EXOC2: variants seen among roughly 807,000 people sequenced by gnomAD.
EXOC2 encodes exocyst complex component 2.
EXOC2 carries 70 observed loss-of-function variants against 131.8 expected under a neutral mutation model. The ratio of observed to expected loss-of-function variants is 0.53; its 90% CI spans 0.44 to 0.65. The LOEUF (loss-of-function observed/expected upper bound fraction) is 0.65. Ranked by LOEUF, EXOC2 falls within the 30% of genes least tolerant of loss-of-function variation. The pLI is 0.00. For missense variants in EXOC2, 923 were observed against 1,108.6 expected, an observed-to-expected ratio of 0.83 and a Z score of 2.38; for synonymous variants, 411 against 398.4, an observed-to-expected ratio of 1.03 and a Z score of -0.38.
chr6:588,485 TG>T (rs1038214635), intron 11 of EXOC2, among the ~76,000 whole-genome samples: 4 of 152,306 alleles, frequency 2.6e-5, no homozygotes, highest in Middle Eastern at 3.4e-3. Flanking sequence ...CCTGAGTAGC[TG>T]GGCCTATACC....
chr6:600,305 C>A lies in EXOC2; in HGVS notation c.743-1080G>T, dbSNP rs543499639. 7.7e-4 allele frequency among the ~76,000 whole-genome samples: 117 copies of A among 152,300 alleles called. 1 individual carries two copies. The highest frequency in any genetic ancestry group is 2.7e-3 in the African/African-American group (114 of 41,556). On this transcript the variant is annotated intron_variant, in intron 7 of 27. Coordinates refer to ENST00000230449, the MANE Select transcript of EXOC2 (RefSeq NM_018303.6). ...CACATGCTATTTAAGTAGAATTCTA[C>A]ATTTCTATTATAAGATGAGAAAAAA...
At chr6:612,831 A>G (rs1475915352) in intron 6 of EXOC2, among the ~76,000 whole-genome samples, 2 of 152,192 alleles carry the variant, frequency 1.3e-5, no homozygotes, top group Non-Finnish European at 2.9e-5. Flanking sequence ...AGTGTACCAT[A>G]ACGAATATTC....
chr6:508,787 T>C (rs779385819), intron 23 of EXOC2, among the ~76,000 whole-genome samples: 2 of 152,252 alleles, frequency 1.3e-5, no homozygotes, highest in Non-Finnish European at 2.9e-5. Context: ...CTTGGCTAAA[T>C]GCCAAGTGGT....
At chr6:610,224 G>A (rs1760645621) in intron 6 of EXOC2, 46 bp from the exon 7 acceptor site, 1 of 1,409,632 alleles carries the variant, frequency 7.1e-7, no homozygotes, top group African/African-American at 1.4e-5. Context: ...TTAATGGGTG[G>A]AGATACATTA....
chr6:536,798 A>C (rs1766468218), intron 22 of EXOC2, among the ~76,000 whole-genome samples: 1 of 152,224 alleles, frequency 6.6e-6, no homozygotes, highest in Non-Finnish European at 1.5e-5. Context: ...AAAGGCATTA[A>C]ACATTTTAAA....
chr6:510,538 C>T (rs1764782581), intron 23 of EXOC2, among the ~76,000 whole-genome samples: 1 of 152,170 alleles, frequency 6.6e-6, no homozygotes, highest in Non-Finnish European at 1.5e-5. Context: ...GTAAGAAAGA[C>T]TTTATATTCA....
In EXOC2 at chr6:580,381, G is replaced by A. The variant is rs191358448; in HGVS notation, c.1193-3499C>T. On this transcript the variant is annotated intron_variant, in intron 11 of 27. Coordinates refer to ENST00000230449, the MANE Select transcript of EXOC2 (RefSeq NM_018303.6). ...ACATCCCGTAACAACATAAAATTGT[G>A]TTTGACTCTGCCCTTTTCAAACTAA... Among the ~76,000 whole-genome samples, 51 of 152,200 alleles carry A rather than the reference G, an allele frequency of 3.4e-4. No homozygotes were observed. In the East Asian group the frequency reaches 9.1e-3, roughly 27 times the overall value.
At chr6:686,014 A>G (rs955025817) in intron 1 of EXOC2, among the ~76,000 whole-genome samples, 28 of 147,488 alleles carry the variant, frequency 1.9e-4, no homozygotes, top group African/African-American at 7.0e-4. Flanking sequence ...CTCTGTCACT[A>G]GGCTGAAGTG....
chr6:677,934 T>TCACA (rs1554150218), intron 1 of EXOC2, among the ~76,000 whole-genome samples: 4,288 of 147,250 alleles, frequency 0.029, 64 homozygotes, highest in Admixed American at 0.053. Context: ...TTATAATCTC[T>TCACA]CACACACACA....
intron 23 of EXOC2, among the ~76,000 whole-genome samples, chr6:524,578 T>C (rs909828684): frequency 1.6e-4 from 24 of 152,198 alleles, no homozygotes; most frequent in African/African-American, 5.3e-4. Flanking sequence ...TTTGGGGTTA[T>C]GCAGGTTTCA....
chr6:566,328 G>C (rs965933380), intron 13 of EXOC2, among the ~76,000 whole-genome samples: 8 of 152,206 alleles, frequency 5.3e-5, no homozygotes, highest in South Asian at 2.1e-4. Context: ...AGGGGCCAGT[G>C]TGCGAGTATG....
Position 538,723 on chromosome 6 carries a change from G to A in EXOC2, c.2239-6113C>T, listed in dbSNP as rs76198477. Among the ~76,000 whole-genome samples the A allele has an allele frequency of 1.0e-3, 153 of 152,282 alleles. 2 individuals are homozygous for A. In the East Asian group the frequency reaches 0.014, roughly 14 times the overall value. On this transcript the variant is annotated intron_variant, in intron 22 of 27. Transcript: ENST00000230449. ...CTTTACCAGGGTGTAAAAGCAATGC[G>A]CATTCAGTATGTTCCCTGGCTTATG...
chr6:588,587 T>C (rs915115329), intron 11 of EXOC2, among the ~76,000 whole-genome samples: 6 of 152,218 alleles, frequency 3.9e-5, no homozygotes, highest in Admixed American at 2.6e-4. Context: ...ACTCCTGACC[T>C]TGTGATCCGC....
chr6:494,581 C>T (rs1033508038), intron 25 of EXOC2, among the ~76,000 whole-genome samples: 2 of 152,172 alleles, frequency 1.3e-5, no homozygotes, highest in African/African-American at 4.8e-5. Context: ...CTGTGACGAT[C>T]CCTAAGGCCC....
chr6:634,991 T>C (rs1168304947), intron 2 of EXOC2, among the ~76,000 whole-genome samples: 1 of 152,214 alleles, frequency 6.6e-6, no homozygotes, highest in African/African-American at 2.4e-5. Flanking sequence ...ACTGTTTCAA[T>C]GTATAACCTG....
rs1271581483 is a variant in EXOC2 at position 599,114 on chromosome 6, T to C, written c.854A>G (p.Asn285Ser). The change falls in exon 8 of 28, where the codon AAC becomes AGC. Residue 285 changes from asparagine (N) to serine (S), a missense_variant. Transcript: ENST00000230449. Reference sequence around the variant, plus strand: ...ATTCCTTTCAATATTTAGAGGAAGGTTGAAAAGAAACTTAAATCGCTGAAG... The same window carrying C: ...ATTCCTTTCAATATTTAGAGGAAGGCTGAAAAGAAACTTAAATCGCTGAAG... Reference protein sequence around the residue: ...NVLQRFKFLFNLPLNIERNIQ... With the variant: ...NVLQRFKFLFSLPLNIERNIQ... 6.2e-7 allele frequency: 1 copy of C among 1,612,880 alleles called. No individual in the cohort carries two copies. The highest frequency in any genetic ancestry group is 1.7e-5 in the Admixed American group (1 of 59,916).
chr6:591,652 T>C (rs892694930), intron 11 of EXOC2, among the ~76,000 whole-genome samples: 8 of 152,110 alleles, frequency 5.3e-5, no homozygotes, highest in Non-Finnish European at 1.2e-4. Context: ...AGCTGGCTGG[T>C]TATCTGTCTA....
chr6:619,342 G>C (rs1249071294), intron 5 of EXOC2, 88 bp downstream of exon 5: 20 of 1,057,196 alleles, frequency 1.9e-5, no homozygotes, highest in Non-Finnish European at 2.6e-5. Context: ...TGTATGCAGA[G>C]CCAGACCTAA....
chr6:496,396 T>C (rs1170753740), intron 25 of EXOC2, among the ~76,000 whole-genome samples: 1 of 152,226 alleles, frequency 6.6e-6, no homozygotes, highest in Non-Finnish European at 1.5e-5. Flanking sequence ...ATTTGGACTC[T>C]AACTCTTGGC....
Sources: gnomAD v4.1 joint callset for allele counts (sites outside exome capture counted in the v4.1 genomes callset) on GRCh38, gnomAD v4.1.1 for gene constraint, MANE v1.5 for transcripts, NCBI Gene and HGNC (gene_info 2026-07-23, HGNC 2026-07-21) for gene names.